Variants in PARD6B observed in about 807,000 individuals in gnomAD.
PARD6B encodes the protein par-6 family cell polarity regulator beta, also known as partitioning defective 6 homolog beta.
Under a neutral mutation model 10.5 loss-of-function variants are expected in PARD6B, and 4 were observed. That is an observed-to-expected ratio of 0.38 (90% CI 0.19 to 0.87). The LOEUF (loss-of-function observed/expected upper bound fraction) is 0.87, where lower values mean the gene tolerates loss of function less well. Ranked by LOEUF, PARD6B falls within the 40% of genes least tolerant of loss-of-function variation. The pLI is 0.41. For synonymous variants in PARD6B, 169 were observed against 170.4 expected, an observed-to-expected ratio of 0.99 and a Z score of 0.07; for missense variants, 396 against 470.6, an observed-to-expected ratio of 0.84 and a Z score of 1.47.
In PARD6B at chr20:50,751,589, G is replaced by T. The variant is rs374753508; in HGVS notation, c.*1101G>T. ...TCTCAATCTCCTGACCTCCTGATCC[G>T]CCCGCCTCGGCCTCCCAAAGTGCTG... is the stretch of plus-strand genomic sequence containing the variant. On this transcript the variant is annotated 3_prime_UTR_variant, in exon 3 of 3. Transcript: ENST00000371610. 2.1e-6 allele frequency: 2 copies of T among 964,164 alleles called. No individual in the cohort carries two copies. Among genetic ancestry groups the T allele is most frequent in the Non-Finnish European group, 2.5e-6 (2 of 811,402 alleles). 59.7% of individuals were successfully genotyped at this position (964,164 alleles called of 1,614,324 possible).
intron 2 of PARD6B, among the ~76,000 whole-genome samples, chr20:50,744,109 T>C (rs1223800865): frequency 7.4e-6 from 1 of 136,048 alleles, no homozygotes; most frequent in Non-Finnish European, 1.6e-5. Flanking sequence ...TAGCTTCTTT[T>C]TTTTTTTTTT....
At chr20:50,746,526 G>A (rs563113734) in intron 2 of PARD6B, among the ~76,000 whole-genome samples, 9 of 152,318 alleles carry the variant, frequency 5.9e-5, no homozygotes, top group African/African-American at 1.9e-4. Flanking sequence ...ATAGTGTTCA[G>A]GTAGAAAGTC....
rs2087600537 is a variant in PARD6B, at chr20:50,750,764, T to C, written c.*276T>C. On this transcript the variant is annotated 3_prime_UTR_variant, in exon 3 of 3. Coordinates refer to ENST00000371610, the MANE Select transcript of PARD6B (RefSeq NM_032521.3). The stretch of plus-strand genomic sequence containing the variant: ...TGGAGAATCAGATGTTAAAGCACAT[T>C]CTTGGAACTATGTGAGAAGACTAGA... The C allele has an allele frequency of 8.4e-7, 1 of 1,192,200 alleles. No homozygotes were observed. The highest frequency in any genetic ancestry group is 1.6e-5 in the African/African-American group (1 of 64,072). The allele number at this position is 1,192,200 out of a possible 1,614,324, so 73.9% of individuals were successfully genotyped here.
At chr20:50,734,885 C>T (rs1358937692) in intron 1 of PARD6B, among the ~76,000 whole-genome samples, 2 of 152,176 alleles carry the variant, frequency 1.3e-5, no homozygotes, top group Non-Finnish European at 2.9e-5. Flanking sequence ...CATGGTGGCT[C>T]ACACCTGTAA....
At chr20:50,732,839 G>A (rs2087479023) in intron 1 of PARD6B, among the ~76,000 whole-genome samples, 1 of 151,320 alleles carries the variant, frequency 6.6e-6, no homozygotes, top group African/African-American at 2.4e-5. Context: ...TGGGCCCTGA[G>A]AACATTTAAA....
chr20:50,748,050 G>A (rs1358063728), intron 2 of PARD6B, among the ~76,000 whole-genome samples: 1 of 152,208 alleles, frequency 6.6e-6, no homozygotes, highest in East Asian at 1.9e-4. Context: ...GAGAGATCAA[G>A]AATTCCTGCT....
In PARD6B at chr20:50,749,678, C is replaced by G; in HGVS notation, c.309C>G (p.Ala103=). Residue 103 remains alanine, a synonymous_variant, in exon 3 of 3, where the codon GCC becomes GCG. Transcript: ENST00000371610. ...IQKKEEADYS[A]FGTDTLIKKK... is the part of the protein sequence containing the mutation. ...AAACAGAAGAAGCAGACTACAGTGC[C>G]TTTGGTACAGACACGCTAATAAAGA... The G allele has an allele frequency of 6.3e-7, 1 of 1,597,554 alleles. No homozygotes were observed. The highest frequency in any genetic ancestry group is 2.2e-5 in the East Asian group (1 of 44,806).
At chr20:50,740,366 T>C (rs2087524601) in intron 2 of PARD6B, among the ~76,000 whole-genome samples, 1 of 152,238 alleles carries the variant, frequency 6.6e-6, no homozygotes, top group African/African-American at 2.4e-5. Context: ...CATTCAAATA[T>C]AGAGTGGGTT....
chr20:50,742,396 T>G (rs2087535902), intron 2 of PARD6B, among the ~76,000 whole-genome samples: 1 of 151,672 alleles, frequency 6.6e-6, no homozygotes, highest in Non-Finnish European at 1.5e-5. Flanking sequence ...GACAGAGTCT[T>G]ACTCTGTTGC....
In PARD6B at chr20:50,751,988, CT is replaced by C; in HGVS notation, c.*1501del. The C allele has an allele frequency of 1.0e-6, 1 of 985,386 alleles. No individual in the cohort carries two copies. The allele number at this position is 985,386 out of a possible 1,614,324, so 61.0% of individuals were successfully genotyped here. A position where few individuals can be genotyped will look rare whatever the true frequency, so the allele number is the denominator to read the frequency against. ...AGTGCTGGATTGCAGGCATGAGCGC[CT>C]AGCCAGGAAGCTATCTTTTCTTGAG... On this transcript the variant is annotated 3_prime_UTR_variant, in exon 3 of 3. Transcript: ENST00000371610.
At position 50,731,748 on chromosome 20, in the gene PARD6B, C is replaced by A. The variant is rs2087471922; in HGVS notation, c.-39C>A. ...CGCTCCCCGCGCTCCTGAGGGGCCG[C>A]CCGGCCGGAGGAGGCCGTCGCGGGG... is the stretch of plus-strand genomic sequence containing the variant. On this transcript the variant is annotated 5_prime_UTR_variant, in exon 1 of 3. Transcript: ENST00000371610. 2.1e-6 allele frequency: 3 copies of A among 1,432,368 alleles called. No individual in the cohort carries two copies. Among genetic ancestry groups the A allele is most frequent in the Non-Finnish European group, 2.7e-6 (3 of 1,098,976 alleles). 88.7% of individuals were successfully genotyped at this position (1,432,368 alleles called of 1,614,324 possible).
intron 1 of PARD6B, among the ~76,000 whole-genome samples, chr20:50,736,531 C>G (rs1164270989): frequency 6.6e-6 from 1 of 152,130 alleles, no homozygotes; most frequent in Non-Finnish European, 1.5e-5. Context: ...TTCCCAAGAG[C>G]ATAATTATGT....
chr20:50,744,029 A>AT (rs556472335), intron 2 of PARD6B, among the ~76,000 whole-genome samples: 191 of 143,948 alleles, frequency 1.3e-3, no homozygotes, highest in Admixed American at 2.8e-3. Flanking sequence ...TGTTCTAGTT[A>AT]TTTTTCAGAT....
At position 50,753,683 on chromosome 20, in the gene PARD6B, A is replaced by G; in HGVS notation, c.*3195A>G. The G allele has an allele frequency of 2.8e-6, 2 of 724,336 alleles. No individual in the cohort carries two copies. Among genetic ancestry groups the G allele is most frequent in the Non-Finnish European group, 3.4e-6 (2 of 591,910 alleles). The allele number at this position is 724,336 out of a possible 1,614,324, so 44.9% of individuals were successfully genotyped here. On this transcript the variant is annotated 3_prime_UTR_variant, in exon 3 of 3. Coordinates refer to ENST00000371610, the MANE Select transcript of PARD6B (RefSeq NM_032521.3). Reference sequence around the variant, plus strand: ...TAAATGAACTTCGATTTTAAAAATCAAATTAGCTTTAGTTGTATATTATTT... The same window carrying G: ...TAAATGAACTTCGATTTTAAAAATCGAATTAGCTTTAGTTGTATATTATTT...
intron 1 of PARD6B, among the ~76,000 whole-genome samples, chr20:50,734,879 G>A (rs370667397): frequency 6.6e-6 from 1 of 152,110 alleles, no homozygotes; most frequent in South Asian, 2.1e-4. Flanking sequence ...GCCAGGCATG[G>A]TGGCTCACAC....
chr20:50,740,773 T>C (rs1052268227), intron 2 of PARD6B, among the ~76,000 whole-genome samples: 3 of 152,290 alleles, frequency 2.0e-5, no homozygotes, highest in East Asian at 3.9e-4. Context: ...AATATGACTT[T>C]AGCAAAAATG....
Position 50,751,723 on chromosome 20 carries a change from C to CTTTTTTTTTTTT in PARD6B, c.*1241_*1252dup, listed in dbSNP as rs569339357. The stretch of plus-strand genomic sequence containing the variant: ...TTCCCATGTTATAAAGCTGAGGAAG[C>CTTTTTTTTTTTT]TTTTTTTTTTTTTTTTTGAGACAGA... On this transcript the variant is annotated 3_prime_UTR_variant, in exon 3 of 3. Transcript: ENST00000371610. 1 of 628,950 alleles carries CTTTTTTTTTTTT rather than the reference C, an allele frequency of 1.6e-6. No individual in the cohort carries two copies. The highest frequency in any genetic ancestry group is 1.9e-6 in the Non-Finnish European group (1 of 525,732). 39.0% of individuals were successfully genotyped at this position (628,950 alleles called of 1,614,324 possible). A position where few individuals can be genotyped will look rare whatever the true frequency, so the allele number is the denominator to read the frequency against.
chr20:50,741,342 C>T (rs575854671), intron 2 of PARD6B, among the ~76,000 whole-genome samples: 1 of 152,204 alleles, frequency 6.6e-6, no homozygotes. Context: ...ACGTCTGCCT[C>T]CTCCTGCTTA....
At chr20:50,743,958 C>T (rs1018650011) in intron 2 of PARD6B, among the ~76,000 whole-genome samples, 3 of 151,482 alleles carry the variant, frequency 2.0e-5, no homozygotes, top group African/African-American at 4.9e-5. Context: ...ACAACAGAAA[C>T]GTGGGTGTCA....
Sources: gnomAD v4.1 joint callset for allele counts (sites outside exome capture counted in the v4.1 genomes callset) on GRCh38, gnomAD v4.1.1 for gene constraint, MANE v1.5 for transcripts, NCBI Gene and HGNC (gene_info 2026-07-23, HGNC 2026-07-21) for gene names.